PDE1C: variants seen among roughly 807,000 people sequenced by gnomAD.
PDE1C encodes the protein dual specificity calcium/calmodulin-dependent 3',5'-cyclic nucleotide phosphodiesterase 1C.
A neutral mutation model predicts 93.1 loss-of-function variants in PDE1C; 62 were observed. That is an observed-to-expected ratio of 0.67 (90% confidence interval 0.54 to 0.82). The LOEUF is 0.82. Among genes scored for constraint, PDE1C ranks in the 40% least tolerant of loss-of-function variants. The probability of loss-of-function intolerance (pLI) is 0.00; values close to 1 mark genes in which losing one functional copy is unlikely to be tolerated. For missense variants in PDE1C, 742 were observed against 884.6 expected, an observed-to-expected ratio of 0.84 and a Z score of 2.04; for synonymous variants, 325 against 310.1, an observed-to-expected ratio of 1.05 and a Z score of -0.50.
the PDE1C span, among the ~76,000 whole-genome samples, chr7:31,618,821 C>G: frequency 1.3e-5 from 2 of 152,186 alleles, no homozygotes; most frequent in African/African-American, 4.8e-5. Flanking sequence ...ATGCCATGCC[C>G]AAATTATATG....
intron 15 of PDE1C, among the ~76,000 whole-genome samples, chr7:31,814,824 A>T (rs1217250232): frequency 1.3e-5 from 2 of 151,596 alleles, no homozygotes; most frequent in East Asian, 3.9e-4. Context: ...TACATTGTGT[A>T]GAAACAGTAG....
At chr7:32,394,761 C>T (rs1784812249) in intron 1 of PDE1C, among the ~76,000 whole-genome samples, 1 of 152,160 alleles carries the variant, frequency 6.6e-6, no homozygotes, top group Admixed American at 6.5e-5. Flanking sequence ...CTGCAGTGAA[C>T]CATGATCATG....
At position 31,876,024 on chromosome 7, in the gene PDE1C, A is replaced by C. The variant is rs559297277; in HGVS notation, c.492+1946T>G. The stretch of plus-strand genomic sequence containing the variant: ...TTAGGGAAAATTTCTGTAATAAAAG[A>C]AAGCAGTAATGATTCCATATGAACT... On this transcript the variant is annotated intron_variant, in intron 5 of 17. Coordinates refer to ENST00000396191, the MANE Select transcript of PDE1C (RefSeq NM_001191057.4). 1.6e-3 allele frequency among the ~76,000 whole-genome samples: 247 copies of C among 151,746 alleles called. 1 individual carries two copies. Among genetic ancestry groups the C allele is most frequent in the Admixed American group, 3.2e-3 (49 of 15,238 alleles).
At chr7:32,122,006 A>G (rs746212623) in intron 3 of PDE1C, among the ~76,000 whole-genome samples, 1 of 152,240 alleles carries the variant, frequency 6.6e-6, no homozygotes, top group Non-Finnish European at 1.5e-5. Flanking sequence ...CATAGGTTCA[A>G]AATAAGGGGA....
At chr7:31,677,348 C>T in the PDE1C span, among the ~76,000 whole-genome samples, 1 of 152,128 alleles carries the variant, frequency 6.6e-6, no homozygotes. Flanking sequence ...AAAGAATACA[C>T]CACAAAGAAA....
At chr7:31,926,938 C>T (rs1246889650) in intron 2 of PDE1C, among the ~76,000 whole-genome samples, 2 of 148,194 alleles carry the variant, frequency 1.3e-5, no homozygotes, top group African/African-American at 5.2e-5. Flanking sequence ...ACCCCAGTGG[C>T]GCCTAGAACA....
At chr7:32,219,824 C>T (rs1806708020) in intron 1 of PDE1C, among the ~76,000 whole-genome samples, 1 of 152,218 alleles carries the variant, frequency 6.6e-6, no homozygotes, top group Non-Finnish European at 1.5e-5. Flanking sequence ...TATGGTTTGG[C>T]TGTGTCCCTA....
intron 2 of PDE1C, among the ~76,000 whole-genome samples, chr7:32,176,416 C>T (rs192323969): frequency 6.6e-6 from 1 of 152,088 alleles, no homozygotes; most frequent in Non-Finnish European, 1.5e-5. Context: ...AAATTACCCA[C>T]AAAGGATGAG....
At chr7:32,319,111 C>CG (rs1783233681) in intron 1 of PDE1C, among the ~76,000 whole-genome samples, 1 of 152,234 alleles carries the variant, frequency 6.6e-6, no homozygotes, top group Non-Finnish European at 1.5e-5. Flanking sequence ...CACCCGGGAG[C>CG]TGCAGTCCTC....
intron 2 of PDE1C, among the ~76,000 whole-genome samples, chr7:32,040,584 G>A (rs1584559936): frequency 6.6e-6 from 1 of 152,092 alleles, no homozygotes; most frequent in East Asian, 1.9e-4. Context: ...GAATATAATT[G>A]AACAGAAGCC....
intron 17 of PDE1C, among the ~76,000 whole-genome samples, chr7:31,756,548 TA>T (rs1794479334): frequency 6.6e-6 from 1 of 152,062 alleles, no homozygotes; most frequent in Non-Finnish European, 1.5e-5. Context: ...TGACACTGGG[TA>T]ACAAGTAGGG....
chr7:31,717,671 G>T, the PDE1C span, among the ~76,000 whole-genome samples: 1 of 152,156 alleles, frequency 6.6e-6, no homozygotes, highest in African/African-American at 2.4e-5. Context: ...CAAAAATTAA[G>T]CAGGTTCTCA....
chr7:32,384,112 C>G (rs1457932890), intron 1 of PDE1C, among the ~76,000 whole-genome samples: 2 of 152,170 alleles, frequency 1.3e-5, no homozygotes, highest in South Asian at 4.1e-4. Flanking sequence ...CTTTATCTCC[C>G]ATATTCACCA....
At chr7:32,305,338 C>G (rs1812972840) in intron 1 of PDE1C, among the ~76,000 whole-genome samples, 1 of 152,208 alleles carries the variant, frequency 6.6e-6, no homozygotes. Flanking sequence ...CCTGCTACCT[C>G]TGCAGCCAAT....
At chr7:32,412,388 G>A (rs924515959) in intron 1 of PDE1C, among the ~76,000 whole-genome samples, 3 of 151,286 alleles carry the variant, frequency 2.0e-5, no homozygotes, top group Non-Finnish European at 4.4e-5. Flanking sequence ...CCCAGGAGGC[G>A]GAGGTTGCAG....
chr7:32,120,203 A>G (rs1584799244), intron 3 of PDE1C, among the ~76,000 whole-genome samples: 2 of 152,290 alleles, frequency 1.3e-5, no homozygotes, highest in African/African-American at 4.8e-5. Context: ...GAACTCCAGC[A>G]ACTCCAGCCA....
chr7:31,683,875 A>G, the PDE1C span, among the ~76,000 whole-genome samples: 1 of 152,218 alleles, frequency 6.6e-6, no homozygotes, highest in Non-Finnish European at 1.5e-5. Context: ...AAAGTGAAAT[A>G]TATTCATTTA....
At chr7:31,850,976 T>C (rs960022416) in intron 7 of PDE1C, 4 of 443,142 alleles carry the variant, frequency 9.0e-6, no homozygotes, top group African/African-American at 8.0e-5. Flanking sequence ...TTTTATCTTT[T>C]TCAAGAAATC....
the PDE1C span, among the ~76,000 whole-genome samples, chr7:31,734,166 G>A: frequency 1.3e-5 from 2 of 152,102 alleles, no homozygotes; most frequent in African/African-American, 4.8e-5. Context: ...GGCACCGTAT[G>A]GTGTGATGCC....
Sources: allele counts gnomAD v4.1 joint callset (sites outside exome capture counted in the v4.1 genomes callset), GRCh38; gene constraint gnomAD v4.1.1; transcripts MANE v1.5; gene names NCBI Gene and HGNC (gene_info 2026-07-23, HGNC 2026-07-21).